Variants in RBFOX1 observed in about 807,000 individuals in gnomAD.
RBFOX1 encodes RNA binding protein fox-1 homolog 1.
RBFOX1 carries 8 observed loss-of-function variants against 57.7 expected under a neutral mutation model. The ratio of observed to expected loss-of-function variants is 0.14; its 90% CI spans 0.08 to 0.25. The LOEUF is 0.25. RBFOX1 is among the 10% of genes least tolerant of loss of function. The probability of loss-of-function intolerance (pLI) is 1.00; values close to 1 mark genes in which losing one functional copy is unlikely to be tolerated. For synonymous variants in RBFOX1, 326 were observed against 222.4 expected, an observed-to-expected ratio of 1.47 and a Z score of -4.15; for missense variants, 611 against 548.5, an observed-to-expected ratio of 1.11 and a Z score of -1.14.
At chr16:7,529,551 A>C (rs1386848633) in intron 5 of RBFOX1, among the ~76,000 whole-genome samples, 1 of 152,158 alleles carries the variant, frequency 6.6e-6, no homozygotes, top group African/African-American at 2.4e-5. Context: ...AATTTCATTG[A>C]CATATTTCCA....
At chr16:7,459,352 C>A (rs182374022) in intron 4 of RBFOX1, among the ~76,000 whole-genome samples, 45 of 152,262 alleles carry the variant, frequency 3.0e-4, no homozygotes, top group South Asian at 2.5e-3. Context: ...CAATTGTTAC[C>A]TTGCACTTGC....
intron 3 of RBFOX1, among the ~76,000 whole-genome samples, chr16:5,715,785 G>GT: frequency 6.6e-6 from 1 of 152,310 alleles, no homozygotes; most frequent in South Asian, 2.1e-4. Flanking sequence ...GCGAGTAGGA[G>GT]TACTGGCTAC....
At chr16:5,686,057 C>G (rs1205127148) in intron 3 of RBFOX1, among the ~76,000 whole-genome samples, 2 of 152,140 alleles carry the variant, frequency 1.3e-5, no homozygotes, top group East Asian at 3.8e-4. Context: ...CATGTGGGTT[C>G]CCTGCATTAA....
chr16:5,253,316 ATT>A (rs575570274), intron 1 of RBFOX1, among the ~76,000 whole-genome samples: 1 of 151,764 alleles, frequency 6.6e-6, no homozygotes. Flanking sequence ...CACCCAGCTA[ATT>A]TTTTTGTATT....
intron 2 of RBFOX1, among the ~76,000 whole-genome samples, chr16:6,487,442 A>C (rs1430420733): frequency 6.6e-6 from 1 of 151,788 alleles, no homozygotes; most frequent in Non-Finnish European, 1.5e-5. Flanking sequence ...AGCAAATGTA[A>C]ATAGGATCAG....
chr16:7,584,268 G>C (rs1197320341), intron 6 of RBFOX1, among the ~76,000 whole-genome samples: 1 of 152,158 alleles, frequency 6.6e-6, no homozygotes, highest in Admixed American at 6.5e-5. Flanking sequence ...TTGCCAAAGT[G>C]TGTGTGCCTG....
chr16:5,825,758 TA>T (rs2056018020), intron 3 of RBFOX1, among the ~76,000 whole-genome samples: 1 of 147,718 alleles, frequency 6.8e-6, no homozygotes, highest in East Asian at 2.0e-4. Context: ...TTAATATGAA[TA>T]AGGAATAATA....
At chr16:5,907,859 T>G (rs916754210) in intron 4 of RBFOX1, among the ~76,000 whole-genome samples, 1 of 151,888 alleles carries the variant, frequency 6.6e-6, no homozygotes, top group Non-Finnish European at 1.5e-5. Flanking sequence ...CAAGCAATTC[T>G]CCTGCCTCAG....
chr16:6,748,061 T>G (rs2074138442), intron 3 of RBFOX1, among the ~76,000 whole-genome samples: 1 of 152,206 alleles, frequency 6.6e-6, no homozygotes, highest in Non-Finnish European at 1.5e-5. Flanking sequence ...TTGAACCATT[T>G]TCCTGATACT....
At chr16:5,605,016 A>G (rs2047518143), downstream of RBFOX1, among the ~76,000 whole-genome samples, 1 of 152,204 alleles carries the variant, frequency 6.6e-6, no homozygotes, top group Admixed American at 6.5e-5. Context: ...CCTTCTCTAC[A>G]GCCCGCGCAC....
chr16:7,556,646 G>C (rs987989053), intron 5 of RBFOX1, among the ~76,000 whole-genome samples: 1 of 152,116 alleles, frequency 6.6e-6, no homozygotes, highest in African/African-American at 2.4e-5. Flanking sequence ...CACTGGTTCA[G>C]TTCTAAGACC....
At chr16:7,041,082 A>ATTTTTTTTTTTTTTTTTTTT (rs61569211) in intron 3 of RBFOX1, among the ~76,000 whole-genome samples, 3 of 109,302 alleles carry the variant, frequency 2.7e-5, no homozygotes, top group Non-Finnish European at 3.6e-5. Context: ...CGCCCAGCTA[A>ATTTTTTTTTTTTTTTTTTTT]TTTTTTTTTT....
At position 7,650,811 on chromosome 16, in the gene RBFOX1, T is replaced by C. The variant is rs187176221; in HGVS notation, c.758-3004T>C. 1.4e-3 allele frequency among the ~76,000 whole-genome samples: 218 copies of C among 152,294 alleles called. 1 individual carries two copies. The highest frequency in any genetic ancestry group is 5.1e-3 in the African/African-American group (211 of 41,576). On this transcript the variant is annotated intron_variant, in intron 11 of 15. Coordinates refer to ENST00000550418, the MANE Select transcript of RBFOX1 (RefSeq NM_018723.4). ...AATCCAGGGTGTTCCTCTGAAAACT[T>C]AATAGTTGAACTGTGGCAAGACAGA...
intron 4 of RBFOX1, among the ~76,000 whole-genome samples, chr16:7,354,601 A>G (rs988828647): frequency 4.6e-5 from 7 of 152,216 alleles, no homozygotes; most frequent in Admixed American, 6.5e-5. Flanking sequence ...ATTTCATTCA[A>G]TTTAAGCACT....
chr16:5,707,182 T>G (rs966139204), intron 3 of RBFOX1, among the ~76,000 whole-genome samples: 1 of 152,150 alleles, frequency 6.6e-6, no homozygotes, highest in Non-Finnish European at 1.5e-5. Context: ...TGTGAGCCCA[T>G]GAGTAGGACT....
chr16:5,398,775 A>T (rs2066633564), intron 1 of RBFOX1, among the ~76,000 whole-genome samples: 1 of 151,990 alleles, frequency 6.6e-6, no homozygotes, highest in Non-Finnish European at 1.5e-5. Flanking sequence ...GATATTTGGG[A>T]CAGTTCTGGT....
chr16:7,001,555 C>T (rs1357989145), intron 3 of RBFOX1, among the ~76,000 whole-genome samples: 2 of 152,094 alleles, frequency 1.3e-5, no homozygotes, highest in African/African-American at 2.4e-5. Flanking sequence ...CTCCCGGGTT[C>T]AAGTGATGCT....
chr16:6,887,798 G>T (rs1483719354), intron 3 of RBFOX1, among the ~76,000 whole-genome samples: 3 of 151,916 alleles, frequency 2.0e-5, no homozygotes, highest in Non-Finnish European at 2.9e-5. Flanking sequence ...GAGTAGCTGG[G>T]TTTACAGGCA....
In RBFOX1 at chr16:6,794,845, A is replaced by G. The variant is rs1374744126; in HGVS notation, c.-16+140195A>G. Among the ~76,000 whole-genome samples, 3 of 152,200 alleles carry G rather than the reference A, an allele frequency of 2.0e-5. No homozygotes were observed. In the East Asian group the frequency reaches 5.8e-4, roughly 29 times the overall value. On this transcript the variant is annotated intron_variant, in intron 3 of 15. Coordinates refer to ENST00000550418, the MANE Select transcript of RBFOX1 (RefSeq NM_018723.4). ...GATGCAGGCACTGCTTTCCAAGGTA[A>G]TTGTCAAGGGCTTTTTTCCCCCTAT...
Sources: allele counts gnomAD v4.1 joint callset (sites outside exome capture counted in the v4.1 genomes callset), GRCh38; gene constraint gnomAD v4.1.1; transcripts MANE v1.5; gene names NCBI Gene and HGNC (gene_info 2026-07-23, HGNC 2026-07-21).